Variants in KLHL1 observed in about 807,000 individuals in gnomAD.
The protein encoded by KLHL1 is kelch like family member 1.
A neutral mutation model predicts 77.7 loss-of-function variants in KLHL1; 47 were observed. The observed-to-expected ratio is 0.60, with a 90% confidence interval of 0.48 to 0.77. The LOEUF (loss-of-function observed/expected upper bound fraction) is 0.77, where lower values mean the gene tolerates loss of function less well. KLHL1 is among the 30% of genes least tolerant of loss of function. The probability of loss-of-function intolerance (pLI) is 0.00; values close to 1 mark genes in which losing one functional copy is unlikely to be tolerated. For missense variants in KLHL1, 925 were observed against 910.8 expected (o/e 1.02, Z -0.20); for synonymous variants, 360 against 325.2 (o/e 1.11, Z -1.15).
At chr13:69,870,793 A>C (rs1467021962) in intron 5 of KLHL1, among the ~76,000 whole-genome samples, 1 of 151,964 alleles carries the variant, frequency 6.6e-6, no homozygotes, top group Admixed American at 6.6e-5. Context: ...ACACTCCAAA[A>C]TCATCTCCTG....
rs897148391 is a variant in KLHL1, at chr13:69,812,916, C to T, written c.1415-15954G>A. On this transcript the variant is annotated intron_variant, in intron 6 of 10. Transcript: ENST00000377844. ...TCAACCATTGTGGAAGACAGTGTGG[C>T]AATTCCTCAGGGATCTAGAACTAGA... Among the ~76,000 whole-genome samples the T allele has an allele frequency of 3.9e-3, 567 of 144,230 alleles. 2 individuals carry two copies. The highest frequency in any genetic ancestry group is 0.014 in the African/African-American group (509 of 37,250). The allele number at this position is 144,230 out of a possible 152,430, so 94.6% of individuals were successfully genotyped here.
At chr13:69,931,872 T>G (rs1319362397) in intron 4 of KLHL1, among the ~76,000 whole-genome samples, 5 of 151,814 alleles carry the variant, frequency 3.3e-5, no homozygotes, top group African/African-American at 9.7e-5. Flanking sequence ...TTAATGAATT[T>G]TAATCATCAT....
chr13:69,992,981 C>A (rs1173430696), intron 1 of KLHL1, among the ~76,000 whole-genome samples: 2 of 151,474 alleles, frequency 1.3e-5, no homozygotes, highest in Non-Finnish European at 2.9e-5. Context: ...ATTTTAAAAT[C>A]ATATTGATTA....
intron 6 of KLHL1, among the ~76,000 whole-genome samples, chr13:69,837,649 T>TACAC (rs1879069029): frequency 3.0e-5 from 4 of 132,056 alleles, no homozygotes; most frequent in African/African-American, 1.3e-4. Flanking sequence ...TATATGTGTA[T>TACAC]ATATATATGT....
At chr13:69,725,012 G>T (rs1309451487) in intron 8 of KLHL1, among the ~76,000 whole-genome samples, 2 of 152,102 alleles carry the variant, frequency 1.3e-5, no homozygotes, top group East Asian at 3.9e-4. Context: ...TGCACATGTG[G>T]TGGGTTTGTT....
chr13:69,889,094 A>G (rs1225934584), intron 4 of KLHL1, among the ~76,000 whole-genome samples: 1 of 151,952 alleles, frequency 6.6e-6, no homozygotes, highest in Non-Finnish European at 1.5e-5. Context: ...TAAACTTTCT[A>G]AAAATGCAGA....
intron 3 of KLHL1, among the ~76,000 whole-genome samples, chr13:69,943,819 T>C (rs1469099253): frequency 6.6e-6 from 1 of 152,162 alleles, no homozygotes; most frequent in East Asian, 1.9e-4. Context: ...CCTAAATTGT[T>C]CAGTAAAGTT....
chr13:70,095,426 T>C (rs1887765148), intron 1 of KLHL1, among the ~76,000 whole-genome samples: 1 of 152,186 alleles, frequency 6.6e-6, no homozygotes, highest in South Asian at 2.1e-4. Flanking sequence ...GTTTCAAAAA[T>C]GACACACTAG....
At chr13:70,024,620 TTCTCTCTCTCTCTCTCTCTCTCTC>T (rs5804459) in intron 1 of KLHL1, among the ~76,000 whole-genome samples, 3 of 130,288 alleles carry the variant, frequency 2.3e-5, no homozygotes, top group Non-Finnish European at 5.2e-5. Context: ...GAGAAAAGAT[TTCTCTCTCTCTCTCTCTCTCTCTC>T]TCTCTCTCTC....
intron 1 of KLHL1, among the ~76,000 whole-genome samples, chr13:70,106,516 C>T (rs559043973): frequency 5.9e-5 from 9 of 152,020 alleles, no homozygotes; most frequent in Non-Finnish European, 1.3e-4. Context: ...GAGCTGTTTA[C>T]CAAGGAGACA....
intron 8 of KLHL1, among the ~76,000 whole-genome samples, chr13:69,724,699 G>C (rs535119170): frequency 6.6e-6 from 1 of 152,082 alleles, no homozygotes; most frequent in South Asian, 2.1e-4. Context: ...AAAAAATCTT[G>C]ATTAAAGCCA....
At chr13:69,813,805 T>C (rs1008326240) in intron 6 of KLHL1, among the ~76,000 whole-genome samples, 1 of 152,158 alleles carries the variant, frequency 6.6e-6, no homozygotes, top group African/African-American at 2.4e-5. Flanking sequence ...TCAATATCAT[T>C]AAAATGTCCA....
At chr13:69,832,491 TG>T (rs1878800142) in intron 6 of KLHL1, among the ~76,000 whole-genome samples, 1 of 149,998 alleles carries the variant, frequency 6.7e-6, no homozygotes, top group African/African-American at 2.5e-5. Context: ...TGTTCATGGA[TG>T]GGTAGAATCA....
chr13:70,096,198 G>T (rs1887784850), intron 1 of KLHL1, among the ~76,000 whole-genome samples: 1 of 151,930 alleles, frequency 6.6e-6, no homozygotes, highest in African/African-American at 2.4e-5. Flanking sequence ...CTTCCTTTTG[G>T]ATATATACCC....
chr13:69,926,946 C>CAAAAAAAAA (rs71116960), intron 4 of KLHL1, among the ~76,000 whole-genome samples: 488 of 36,024 alleles, frequency 0.014, 135 homozygotes, highest in South Asian at 0.031. Flanking sequence ...GACTCCATCT[C>CAAAAAAAAA]AAAAAAAAAA....
intron 1 of KLHL1, among the ~76,000 whole-genome samples, chr13:69,997,728 T>C (rs933688526): frequency 6.8e-6 from 1 of 147,820 alleles, no homozygotes; most frequent in East Asian, 2.0e-4. Context: ...ACATATGTAT[T>C]AATAAACATA....
chr13:69,902,999 A>G (rs1249709347), intron 4 of KLHL1, among the ~76,000 whole-genome samples: 1 of 152,150 alleles, frequency 6.6e-6, no homozygotes, highest in Non-Finnish European at 1.5e-5. Context: ...TATTTCCAAT[A>G]TAGTGTGCCT....
chr13:70,041,274 ATCT>A (rs1450364320), intron 1 of KLHL1, among the ~76,000 whole-genome samples: 1 of 152,116 alleles, frequency 6.6e-6, no homozygotes, highest in Non-Finnish European at 1.5e-5. Context: ...TCAGTTGGAG[ATCT>A]TCCTGATTAT....
intron 7 of KLHL1, among the ~76,000 whole-genome samples, chr13:69,760,426 G>C (rs1874967702): frequency 6.6e-6 from 1 of 152,028 alleles, no homozygotes; most frequent in Admixed American, 6.6e-5. Flanking sequence ...CATGATCTCA[G>C]CTCACTGCAA....
Sources: gnomAD v4.1 joint callset for allele counts (sites outside exome capture counted in the v4.1 genomes callset) on GRCh38, gnomAD v4.1.1 for gene constraint, MANE v1.5 for transcripts, NCBI Gene and HGNC (gene_info 2026-07-23, HGNC 2026-07-21) for gene names.